The following ENAH variants were observed in gnomAD, a reference collection of about 807,000 sequenced individuals.
The protein encoded by ENAH is ENAH actin regulator.
A neutral mutation model predicts 78.7 loss-of-function variants in ENAH; 23 were observed. The ratio of observed to expected loss-of-function variants is 0.29; its 90% CI spans 0.21 to 0.41. The LOEUF is 0.41. ENAH is among the 10% of genes least tolerant of loss of function. The probability of loss-of-function intolerance (pLI) is 1.00; values close to 1 mark genes in which losing one functional copy is unlikely to be tolerated. For missense variants in ENAH, 544 were observed against 691.0 expected, an observed-to-expected ratio of 0.79 and a Z score of 2.39; for synonymous variants, 226 against 241.0, an observed-to-expected ratio of 0.94 and a Z score of 0.58.
intron 1 of ENAH, among the ~76,000 whole-genome samples, chr1:225,625,799 A>G (rs1268640017): frequency 1.3e-5 from 2 of 152,222 alleles, no homozygotes; most frequent in African/African-American, 4.8e-5. Flanking sequence ...TACAGGCATG[A>G]GCCACCACAC....
At chr1:225,552,134 CTTTTTT>C (rs397983036) in intron 3 of ENAH, among the ~76,000 whole-genome samples, 1 of 115,966 alleles carries the variant, frequency 8.6e-6, no homozygotes, top group African/African-American at 3.3e-5. Context: ...ACTCCTGATT[CTTTTTT>C]TTTTTTTTTT....
At position 225,519,411 on chromosome 1, in the gene ENAH, C is replaced by T. The variant is rs2096449349; in HGVS notation, c.589G>A (p.Glu197Lys). 2.5e-6 allele frequency: 4 copies of T among 1,610,068 alleles called. No individual in the cohort carries two copies. The highest frequency in any genetic ancestry group is 3.4e-6 in the Non-Finnish European group (4 of 1,178,752). Residue 197 changes from glutamate (E) to lysine (K), a missense_variant, in exon 5 of 14, where the codon GAA becomes AAA. By Grantham distance (56) the Glu-to-Lys change is moderately conservative. Coordinates refer to ENST00000366843, the MANE Select transcript of ENAH (RefSeq NM_018212.6). The stretch of plus-strand genomic sequence containing the variant: ...TCCAGGCGTTCCTGCCGTTCCCGTT[C>T]TTGTCTCTCTCTCTCCAGCTGTTCT... ...EQEQLERERQ[E>K]RERQERLERQ...
intron 1 of ENAH, among the ~76,000 whole-genome samples, chr1:225,636,805 A>T (rs1660136360): frequency 6.6e-6 from 1 of 152,258 alleles, no homozygotes; most frequent in Admixed American, 6.5e-5. Context: ...AAGTGTTCAG[A>T]GAAATGTGTC....
intron 1 of ENAH, among the ~76,000 whole-genome samples, chr1:225,627,151 T>G (rs150707351): frequency 1.3e-5 from 2 of 152,234 alleles, no homozygotes; most frequent in Non-Finnish European, 2.9e-5. Context: ...TATTTATAAT[T>G]TAGCCCCCTG....
rs1270230246 is a variant in ENAH, at chr1:225,497,786, T to C, written c.1702A>G (p.Asn568Asp). Reference protein sequence around the residue: ...DAIRQELSKSNTA With the variant: ...DAIRQELSKSDTA ...CTTAGTCTGTTCCTCTATGCAGTATTTGACTTGCTCAGTTCCTGCCTGATT... is the reference window on the plus strand; with the variant it reads ...CTTAGTCTGTTCCTCTATGCAGTATCTGACTTGCTCAGTTCCTGCCTGATT... Residue 568 changes from asparagine to aspartate, a missense_variant, in exon 14 of 14, where the codon AAT becomes GAT. Transcript: ENST00000366843. 4 of 1,612,620 alleles carry C rather than the reference T, an allele frequency of 2.5e-6. No homozygotes were observed. Among genetic ancestry groups the C allele is most frequent in the Non-Finnish European group, 3.4e-6 (4 of 1,179,278 alleles).
intron 1 of ENAH, among the ~76,000 whole-genome samples, chr1:225,599,709 T>G (rs1236173316): frequency 6.9e-6 from 1 of 145,944 alleles, no homozygotes; most frequent in African/African-American, 2.6e-5. Flanking sequence ...GGCAGGAGAA[T>G]CACTTGAACC....
chr1:225,647,068 T>G (rs1489790316), intron 1 of ENAH, among the ~76,000 whole-genome samples: 2 of 150,918 alleles, frequency 1.3e-5, no homozygotes, highest in Admixed American at 6.6e-5. Context: ...CTACTAAAAA[T>G]ACAAAAAATT....
intron 1 of ENAH, among the ~76,000 whole-genome samples, chr1:225,636,259 T>TGTAAAA (rs1660041024): frequency 6.6e-6 from 1 of 152,230 alleles, no homozygotes; most frequent in African/African-American, 2.4e-5. Flanking sequence ...TTTCTAATTT[T>TGTAAAA]AGTTAACTTT....
At chr1:225,643,935 T>TA (rs1334488224) in intron 1 of ENAH, among the ~76,000 whole-genome samples, 1 of 152,020 alleles carries the variant, frequency 6.6e-6, no homozygotes, top group Non-Finnish European at 1.5e-5. Context: ...AGACCCTATT[T>TA]AAAAAATAAA....
intron 4 of ENAH, among the ~76,000 whole-genome samples, chr1:225,521,848 T>TAC (rs1446004097): frequency 6.6e-6 from 1 of 151,784 alleles, no homozygotes; most frequent in Admixed American, 6.6e-5. Context: ...CAGGCTGGAG[T>TAC]ACAGCCATGC....
chr1:225,565,945 A>G (rs1275259333), intron 2 of ENAH, among the ~76,000 whole-genome samples: 2 of 152,216 alleles, frequency 1.3e-5, no homozygotes, highest in African/African-American at 4.8e-5. Context: ...AACCGTCTGT[A>G]TAAATGGATA....
chr1:225,612,923 T>G (rs1418619241), intron 1 of ENAH, among the ~76,000 whole-genome samples: 1 of 152,170 alleles, frequency 6.6e-6, no homozygotes, highest in Admixed American at 6.5e-5. Flanking sequence ...ACAAAATTAA[T>G]TGTGTCAACA....
chr1:225,651,495 G>C (rs55657934), intron 1 of ENAH, among the ~76,000 whole-genome samples: 3,372 of 152,266 alleles, frequency 0.022, 133 homozygotes, highest in African/African-American at 0.077. Context: ...GGAATTTGTA[G>C]ATTATATCAT....
chr1:225,651,237 ACAC>A (rs781154365), intron 1 of ENAH, among the ~76,000 whole-genome samples: 2 of 152,154 alleles, frequency 1.3e-5, no homozygotes, highest in Non-Finnish European at 2.9e-5. Context: ...TCGCCTAGAG[ACAC>A]CACATTAAAC....
chr1:225,616,349 G>C (rs1277158786), intron 1 of ENAH, among the ~76,000 whole-genome samples: 2 of 146,456 alleles, frequency 1.4e-5, no homozygotes, highest in East Asian at 4.0e-4. Flanking sequence ...AAAAAAAAGA[G>C]TAATACTTTG....
At chr1:225,634,385 C>T (rs1023359874) in intron 1 of ENAH, among the ~76,000 whole-genome samples, 25 of 152,222 alleles carry the variant, frequency 1.6e-4, no homozygotes, top group African/African-American at 5.8e-4. Flanking sequence ...GATTTTAGCC[C>T]TCATAAACAT....
At chr1:225,622,506 A>G (rs944104091) in intron 1 of ENAH, among the ~76,000 whole-genome samples, 2 of 152,220 alleles carry the variant, frequency 1.3e-5, no homozygotes, top group African/African-American at 4.8e-5. Flanking sequence ...CTGCTACAAC[A>G]AAATACCTTA....
intron 3 of ENAH, among the ~76,000 whole-genome samples, chr1:225,544,905 G>A (rs191899516): frequency 7.3e-4 from 111 of 152,256 alleles, no homozygotes; most frequent in African/African-American, 2.7e-3. Flanking sequence ...GAAACAGCTA[G>A]TAACAACAGT....
chr1:225,513,424 G>A (rs549430648), intron 7 of ENAH, among the ~76,000 whole-genome samples: 58 of 151,960 alleles, frequency 3.8e-4, no homozygotes, highest in African/African-American at 1.4e-3. Flanking sequence ...TTGAGGAACT[G>A]TCATAAAGTA....
Sources: gnomAD v4.1 joint callset for allele counts (sites outside exome capture counted in the v4.1 genomes callset) on GRCh38, gnomAD v4.1.1 for gene constraint, MANE v1.5 for transcripts, NCBI Gene and HGNC (gene_info 2026-07-23, HGNC 2026-07-21) for gene names.